Variants in XPC observed in about 807,000 individuals in gnomAD.
XPC encodes DNA repair protein complementing XP-C cells.
XPC carries 76 observed loss-of-function variants against 95.8 expected under a neutral mutation model. The ratio of observed to expected loss-of-function variants is 0.79; its 90% CI spans 0.66 to 0.96. XPC has a LOEUF of 0.96. Ranked by LOEUF, XPC falls within the 40% of genes least tolerant of loss-of-function variation. The pLI is 0.00. For missense variants in XPC, 1,146 were observed against 1,179.8 expected (o/e 0.97, Z 0.42); for synonymous variants, 442 against 442.1 (o/e 1.00, Z 0.00).
In XPC at chr3:14,158,939, G is replaced by A; in HGVS notation, c.991-47C>T. On this transcript the variant is annotated intron_variant, in intron 8 of 15. Transcript: ENST00000285021. The surrounding 1 kb of genome is among the most constrained non-coding windows in gnomAD (Gnocchi z 5.2). ...TGCTTTTTTTTCTCCCCCCTCTTTT[G>A]CTAATGATATGATAGAAATCCTGTA... is the stretch of plus-strand genomic sequence containing the variant. The A allele has an allele frequency of 6.2e-7, 1 of 1,609,128 alleles. No homozygotes were observed. Among genetic ancestry groups the A allele is most frequent in the Non-Finnish European group, 8.5e-7 (1 of 1,178,586 alleles).
chr3:14,159,961 C>T (rs527253064), intron 7 of XPC, 131 bp from the exon 8 acceptor site: 93 of 787,092 alleles, frequency 1.2e-4, no homozygotes, highest in South Asian at 1.0e-3. Context: ...TAACAGTAGG[C>T]GACGGAAACT....
Position 14,168,485 on chromosome 3 carries a change from A to T in XPC, c.413-105T>A, listed in dbSNP as rs1696479664. ...GCTGGGAAGGAGGAAGTGAGGCATG[A>T]ATGTGAGGGAGACAGCCCACAGAGA... On this transcript the variant is annotated intron_variant, in intron 3 of 15. Coordinates refer to ENST00000285021, the MANE Select transcript of XPC (RefSeq NM_004628.5). 4.3e-6 allele frequency: 6 copies of T among 1,404,156 alleles called. No individual in the cohort carries two copies. In the Admixed American group the frequency reaches 1.2e-4, roughly 27 times the overall value. 87.0% of individuals were successfully genotyped at this position (1,404,156 alleles called of 1,614,324 possible).
intron 9 of XPC, 139 bp downstream of exon 9, chr3:14,157,872 T>C: frequency 7.9e-7 from 1 of 1,269,582 alleles, no homozygotes; most frequent in Non-Finnish European, 1.1e-6. Context: ...TGCCCCAGCT[T>C]TATATGGCTG....
chr3:14,166,736 T>C (rs1166752327), intron 5 of XPC, among the ~76,000 whole-genome samples: 1 of 152,236 alleles, frequency 6.6e-6, no homozygotes, highest in Admixed American at 6.5e-5. Flanking sequence ...TTGTTCCATC[T>C]AGAGATCAGA....
At chr3:14,161,682 A>T (rs2125030923) in intron 7 of XPC, among the ~76,000 whole-genome samples, 1 of 150,628 alleles carries the variant, frequency 6.6e-6, no homozygotes, top group East Asian at 1.9e-4. Context: ...AACTGAGTCA[A>T]CGTGATAACC....
intron 4 of XPC, among the ~76,000 whole-genome samples, chr3:14,168,012 A>G (rs1480264293): frequency 6.6e-6 from 1 of 152,172 alleles, no homozygotes; most frequent in Non-Finnish European, 1.5e-5. Context: ...ATTAGGTAAG[A>G]TAACGGATGA....
In XPC at chr3:14,145,532, A is replaced by C. The variant is rs1173702482; in HGVS notation, c.*409T>G. The C allele has an allele frequency of 2.9e-6, 2 of 700,146 alleles. No homozygotes were observed. Among genetic ancestry groups the C allele is most frequent in the Non-Finnish European group, 5.2e-6 (2 of 384,764 alleles). 43.4% of individuals were successfully genotyped at this position (700,146 alleles called of 1,614,324 possible). A position where few individuals can be genotyped will look rare whatever the true frequency, so the allele number is the denominator to read the frequency against. On this transcript the variant is annotated 3_prime_UTR_variant, in exon 16 of 16. Coordinates refer to ENST00000285021, the MANE Select transcript of XPC (RefSeq NM_004628.5). ...ACTTGTCGGACAGATGAAGACTCTA[A>C]CTGGAAGAAACGATCAGCGCATTCA... is the stretch of plus-strand genomic sequence containing the variant.
chr3:14,155,602 G>A (rs915111670), intron 10 of XPC, among the ~76,000 whole-genome samples: 4 of 151,898 alleles, frequency 2.6e-5, no homozygotes, highest in Admixed American at 2.6e-4. Context: ...CTGTCACCCA[G>A]GCTGGAGTGC....
At chr3:14,167,318 G>C in intron 4 of XPC, 65 bp from the exon 5 acceptor site, 2 of 1,383,864 alleles carry the variant, frequency 1.4e-6, no homozygotes, top group Non-Finnish European at 2.0e-6. Context: ...CACTCCCCCA[G>C]GCAATTCCTT....
At chr3:14,159,890 C>T in intron 7 of XPC, 60 bp from the exon 8 acceptor site, 1 of 1,483,784 alleles carries the variant, frequency 6.7e-7, no homozygotes, top group African/African-American at 1.4e-5. Flanking sequence ...GTAATGAGTT[C>T]AATGTTGTTT....
chr3:14,157,897 G>T, intron 9 of XPC, 114 bp downstream of exon 9: 1 of 1,387,526 alleles, frequency 7.2e-7, no homozygotes, highest in Non-Finnish European at 9.7e-7. Context: ...AATTAAATGA[G>T]ACAACCCATT....
In XPC at chr3:14,156,401, T is replaced by C. The variant is rs772155140; in HGVS notation, c.1967A>G (p.Tyr656Cys). 1 of 1,613,958 alleles carries C rather than the reference T, an allele frequency of 6.2e-7. No homozygotes were observed. Among genetic ancestry groups the C allele is most frequent in the South Asian group, 1.1e-5 (1 of 91,082 alleles). Reference protein sequence around the residue: ...LYALKRHLLKYEAIYPETAAI... With the variant: ...LYALKRHLLKCEAIYPETAAI... The stretch of plus-strand genomic sequence containing the variant: ...AGCTGTCTCGGGATAGATGGCCTCA[T>C]ATTTCAGGAGATGCCGCTTCAGGGC... Residue 656 changes from tyrosine to cysteine, a missense_variant, in exon 10 of 16, where the codon TAT becomes TGT. By Grantham distance (194) the Tyr-to-Cys change is radical (BLOSUM62 -2). Coordinates refer to ENST00000285021, the MANE Select transcript of XPC (RefSeq NM_004628.5).
intron 10 of XPC, 106 bp downstream of exon 10, chr3:14,156,229 G>A: frequency 7.2e-7 from 1 of 1,393,582 alleles, no homozygotes; most frequent in Non-Finnish European, 9.7e-7. Flanking sequence ...GCCCGAGAAT[G>A]CTGTCCAGTC....
At chr3:14,167,675 C>T (rs1696437953) in intron 4 of XPC, among the ~76,000 whole-genome samples, 2 of 152,184 alleles carry the variant, frequency 1.3e-5, no homozygotes, top group South Asian at 4.1e-4. Context: ...CAGTCTGTAT[C>T]CCATTAATCT....
chr3:14,165,240 C>T (rs1300977723), intron 6 of XPC, among the ~76,000 whole-genome samples, 188 bp downstream of exon 6: 2 of 152,154 alleles, frequency 1.3e-5, no homozygotes, highest in African/African-American at 2.4e-5. Flanking sequence ...TATTTGTCTC[C>T]CCACCAGTCT....
In XPC at chr3:14,165,417, G is replaced by A. The variant is rs199838876; in HGVS notation, c.779+11C>T. 5.1e-4 allele frequency: 809 copies of A among 1,579,968 alleles called. No individual in the cohort carries two copies. Among genetic ancestry groups the A allele is most frequent in the Non-Finnish European group, 6.4e-4 (749 of 1,161,344 alleles). ...ACTCCCCAGCTCTGCAGGACAAGCG[G>A]AGGGCCTTACCACTTCACCAGGTTT... On this transcript the variant is annotated intron_variant, in intron 6 of 15. Coordinates refer to ENST00000285021, the MANE Select transcript of XPC (RefSeq NM_004628.5).
rs1696685866 is a variant in XPC, at chr3:14,173,201, G to T, written c.104-139C>A. On this transcript the variant is annotated intron_variant, in intron 1 of 15. Coordinates refer to ENST00000285021, the MANE Select transcript of XPC (RefSeq NM_004628.5). ...TCACTGGTTCACCATCCCCTGTCTG[G>T]TCAGCAACCAGCTCTCAGCTTCTTC... 1.0e-5 allele frequency: 8 copies of T among 781,998 alleles called. No homozygotes were observed. In the South Asian group the frequency reaches 1.8e-4, roughly 17 times the overall value. 48.4% of individuals were successfully genotyped at this position (781,998 alleles called of 1,614,324 possible).
At position 14,147,926 on chromosome 3, in the gene XPC, A is replaced by G. The variant is rs201597537; in HGVS notation, c.2496T>C (p.Ile832=). 9.9e-4 allele frequency: 1,582 copies of G among 1,602,478 alleles called. 1 individual carries two copies. Among genetic ancestry groups the G allele is most frequent in the Non-Finnish European group, 1.2e-3 (1,408 of 1,174,028 alleles). ...CGCTTACCTCCTTCTCCTTCCTTTCAATGACTGCCTGCTCATTTTCCCAGG... is the reference window on the plus strand; with the variant it reads ...CGCTTACCTCCTTCTCCTTCCTTTCGATGACTGCCTGCTCATTTTCCCAGG... ...LTAWENEQAV[I]ERKEKEKKEK... is the part of the protein sequence containing the mutation. The change falls in exon 14 of 16, where the codon ATT becomes ATC. Residue 832 remains isoleucine (I), a synonymous_variant. Coordinates refer to ENST00000285021, the MANE Select transcript of XPC (RefSeq NM_004628.5).
At chr3:14,161,800 G>C (rs894225020) in intron 7 of XPC, among the ~76,000 whole-genome samples, 1 of 151,464 alleles carries the variant, frequency 6.6e-6, no homozygotes, top group African/African-American at 2.4e-5. Flanking sequence ...CATTGTACTT[G>C]AAGTCCTAGC....
Sources: allele counts gnomAD v4.1 joint callset (sites outside exome capture counted in the v4.1 genomes callset), GRCh38; gene constraint gnomAD v4.1.1; non-coding constraint Gnocchi (gnomAD v3.1); transcripts MANE v1.5; gene names NCBI Gene and HGNC (gene_info 2026-07-23, HGNC 2026-07-21).